TOX3: variants seen among roughly 807,000 people sequenced by gnomAD.
TOX3 encodes TOX high mobility group box family member 3.
TOX3 carries 22 observed loss-of-function variants against 64.3 expected under a neutral mutation model. The ratio of observed to expected loss-of-function variants is 0.34; its 90% CI spans 0.24 to 0.49. The LOEUF is 0.49. Ranked by LOEUF, TOX3 falls within the 20% of genes least tolerant of loss-of-function variation. TOX3 has a pLI of 0.99. For missense variants in TOX3, 661 were observed against 714.4 expected, an observed-to-expected ratio of 0.93 and a Z score of 0.85; for synonymous variants, 291 against 273.6, an observed-to-expected ratio of 1.06 and a Z score of -0.63.
intron 1 of TOX3, among the ~76,000 whole-genome samples, chr16:52,480,562 C>A (rs1176780940): frequency 6.6e-6 from 1 of 152,112 alleles, no homozygotes; most frequent in African/African-American, 2.4e-5. Context: ...ATAAAATGTT[C>A]CTCAGTATTT....
In TOX3 at chr16:52,439,387, C is replaced by T. The variant is rs766929878; in HGVS notation, c.1569G>A (p.Gln523=). The T allele has an allele frequency of 5.6e-6, 9 of 1,598,518 alleles. No individual in the cohort carries two copies. In the African/African-American group the frequency reaches 9.4e-5, roughly 17 times the overall value. The change falls in exon 7 of 7, where the codon CAG becomes CAA. Residue 523 remains glutamine, a synonymous_variant. Transcript: ENST00000219746. ...RLQLQQLQHM[Q]HQSQPSPRQH... is the part of the protein sequence containing the mutation. ...GCCGAGGAGAAGGCTGAGACTGGTGCTGCATGTGTTGCAGCTGCTGCAGCT... is the reference window on the plus strand; with the variant it reads ...GCCGAGGAGAAGGCTGAGACTGGTGTTGCATGTGTTGCAGCTGCTGCAGCT...
intron 1 of TOX3, among the ~76,000 whole-genome samples, chr16:52,507,415 C>A (rs1377591417): frequency 1.3e-5 from 2 of 152,120 alleles, no homozygotes; most frequent in African/African-American, 4.8e-5. Flanking sequence ...ACAAAAACAT[C>A]TTTGCATTAA....
chr16:52,515,330 T>C (rs776263019), intron 1 of TOX3, among the ~76,000 whole-genome samples: 64 of 152,326 alleles, frequency 4.2e-4, no homozygotes, highest in Non-Finnish European at 6.2e-4. Context: ...GTTCAAATTC[T>C]ACTAGTTTTT....
Position 52,453,143 on chromosome 16 carries a change from C to T in TOX3, c.409-2597G>A, listed in dbSNP as rs1960406059. Reference sequence around the variant, plus strand: ...CCCACACTACTGGTAATTACGCCATCTAGCTTATTCTAAATTTTCGTCTTC... The same window carrying T: ...CCCACACTACTGGTAATTACGCCATTTAGCTTATTCTAAATTTTCGTCTTC... On this transcript the variant is annotated intron_variant, in intron 3 of 6. Transcript: ENST00000219746. Among the ~76,000 whole-genome samples the T allele has an allele frequency of 3.3e-5, 5 of 151,712 alleles. No homozygotes were observed. In the South Asian group the frequency reaches 1.0e-3, roughly 32 times the overall value.
At chr16:52,529,999 A>C (rs977877960) in intron 1 of TOX3, among the ~76,000 whole-genome samples, 2 of 152,256 alleles carry the variant, frequency 1.3e-5, no homozygotes, top group African/African-American at 4.8e-5. Flanking sequence ...CAGCTCTCTC[A>C]CAAGTCTGGC....
intron 1 of TOX3, among the ~76,000 whole-genome samples, chr16:52,501,159 A>C (rs1961989625): frequency 6.6e-6 from 1 of 152,226 alleles, no homozygotes; most frequent in African/African-American, 2.4e-5. Flanking sequence ...AGGAACAAAC[A>C]GGACTTTGGC....
At chr16:52,469,974 C>G (rs1351427055) in intron 1 of TOX3, among the ~76,000 whole-genome samples, 1 of 152,182 alleles carries the variant, frequency 6.6e-6, no homozygotes, top group Non-Finnish European at 1.5e-5. Context: ...AGTCATCCGA[C>G]AAGCTCTCAC....
chr16:52,439,034 T>G lies in TOX3; in HGVS notation c.*191A>C, dbSNP rs1439465655. The G allele has an allele frequency of 9.6e-6, 8 of 830,272 alleles. No individual in the cohort carries two copies. In the East Asian group the frequency reaches 2.0e-4, roughly 21 times the overall value. 51.4% of individuals were successfully genotyped at this position (830,272 alleles called of 1,614,324 possible). On this transcript the variant is annotated 3_prime_UTR_variant, in exon 7 of 7. Transcript: ENST00000219746. Reference sequence around the variant, plus strand: ...TCTTGTTTAAAAACAAAGTGATTTATAGTCAGCTAAAAGATGTTACTCAGC... The same window carrying G: ...TCTTGTTTAAAAACAAAGTGATTTAGAGTCAGCTAAAAGATGTTACTCAGC...
chr16:52,500,266 G>T (rs1259363750), intron 1 of TOX3, among the ~76,000 whole-genome samples: 2 of 152,176 alleles, frequency 1.3e-5, no homozygotes, highest in African/African-American at 2.4e-5. Context: ...GCAGCACTAT[G>T]ATTGGAGCAA....
chr16:52,450,516 G>A lies in TOX3; in HGVS notation c.439C>T (p.Arg147Trp), dbSNP rs573103587. 119 of 1,614,032 alleles carry A rather than the reference G, an allele frequency of 7.4e-5. No homozygotes were observed. The highest frequency in any genetic ancestry group is 8.9e-5 in the Non-Finnish European group (105 of 1,179,896). ...CGCATGATCAGGGAGGGATCCTGCC[G>A]GTACTGGGACACTTGTGTGTGGCTC... is the stretch of plus-strand genomic sequence containing the variant. ...DQSHTQVSQY[R>W]QDPSLIMRSI... Residue 147 changes from arginine (R) to tryptophan (W), a missense_variant, in exon 4 of 7, where the codon CGG becomes TGG. Arg to Trp is a moderately radical substitution (Grantham distance 101). Transcript: ENST00000219746.
intron 1 of TOX3, among the ~76,000 whole-genome samples, chr16:52,540,454 G>A (rs1028930871): frequency 1.3e-5 from 2 of 152,028 alleles, no homozygotes; most frequent in African/African-American, 4.8e-5. Context: ...TGCAGACACC[G>A]TTGACTTTCC....
intron 1 of TOX3, among the ~76,000 whole-genome samples, chr16:52,519,038 CCTTCCTCATAGTAAGGACGA>C (rs1273145810): frequency 6.6e-6 from 1 of 152,124 alleles, no homozygotes; most frequent in East Asian, 1.9e-4. Context: ...ATCAGGAAAT[CCTTCCTCATAGTAAGGACGA>C]CTCACAAGAC....
intron 5 of TOX3, 143 bp from the exon 6 acceptor site, chr16:52,444,499 GCACACACACACA>G (rs200173557): frequency 1.8e-5 from 7 of 380,872 alleles, no homozygotes; most frequent in East Asian, 8.4e-5. Flanking sequence ...GTTAGCGCAT[GCACACACACACA>G]CACACACACA....
rs143387953 is a variant in TOX3, at chr16:52,443,965, A to G, written c.987+311T>C. ...ATACCTCCCAGTTTAAACAGAGGACACTAGCACAGGTCCCAATCCCTGACC... is the reference window on the plus strand; with the variant it reads ...ATACCTCCCAGTTTAAACAGAGGACGCTAGCACAGGTCCCAATCCCTGACC... On this transcript the variant is annotated intron_variant, in intron 6 of 6. Coordinates refer to ENST00000219746, the MANE Select transcript of TOX3 (RefSeq NM_001080430.4). Among the ~76,000 whole-genome samples, 126 of 152,338 alleles carry G rather than the reference A, an allele frequency of 8.3e-4. No individual in the cohort carries two copies. The East Asian group carries it at 0.018, about 22-fold the overall frequency.
chr16:52,442,521 C>T (rs570143462), intron 6 of TOX3, among the ~76,000 whole-genome samples: 1 of 152,298 alleles, frequency 6.6e-6, no homozygotes, highest in East Asian at 1.9e-4. Flanking sequence ...TCCTCACTAT[C>T]GTGGAGGCAA....
Position 52,463,978 on chromosome 16 carries a change from G to T in TOX3, c.364C>A (p.Leu122Ile). The change falls in exon 3 of 7, where the codon CTC becomes ATC. Residue 122 changes from leucine (L) to isoleucine (I), a missense_variant. Physicochemically the swap from Leu to Ile is conservative, Grantham distance 5. This residue lies in a region of TOX3 where 259 missense variants were observed against 261.2 expected (regional missense o/e 0.99). Coordinates refer to ENST00000219746, the MANE Select transcript of TOX3 (RefSeq NM_001080430.4). ...TGAAGCACGCCATCTTGTTCCACGA[G>T]ATTTCTTGAGATTGTAATGGAAGGG... ...DLPSITISRNLVEQDGVLHSS... is the reference protein window; with the variant it reads ...DLPSITISRNIVEQDGVLHSS... 6.3e-7 allele frequency: 1 copy of T among 1,592,412 alleles called. No individual in the cohort carries two copies. The highest frequency in any genetic ancestry group is 8.6e-7 in the Non-Finnish European group (1 of 1,168,260).
At chr16:52,483,124 C>T (rs1438869942) in intron 1 of TOX3, among the ~76,000 whole-genome samples, 1 of 152,118 alleles carries the variant, frequency 6.6e-6, no homozygotes, top group Non-Finnish European at 1.5e-5. Context: ...AAAAATATGC[C>T]CTCCCAAGAA....
At chr16:52,537,878 T>TAAAAAAAAA (rs57403617) in intron 1 of TOX3, among the ~76,000 whole-genome samples, 48 of 110,958 alleles carry the variant, frequency 4.3e-4, no homozygotes, top group South Asian at 9.2e-4. Flanking sequence ...GCTGATATGA[T>TAAAAAAAAA]AAAAAAAAAA....
At chr16:52,466,466 C>T (rs1231135958) in intron 2 of TOX3, among the ~76,000 whole-genome samples, 1 of 152,110 alleles carries the variant, frequency 6.6e-6, no homozygotes, top group African/African-American at 2.4e-5. Context: ...TGTTAAAAAA[C>T]CAAGTAAATT....
Sources: gnomAD v4.1 joint callset for allele counts (sites outside exome capture counted in the v4.1 genomes callset) on GRCh38, gnomAD v4.1.1 for gene constraint, gnomAD v4.1.1 regional missense constraint, MANE v1.5 for transcripts, NCBI Gene and HGNC (gene_info 2026-07-23, HGNC 2026-07-21) for gene names.